The following MAGI2 variants were observed in gnomAD, a reference collection of about 807,000 sequenced individuals.
MAGI2 encodes the protein membrane-associated guanylate kinase, WW and PDZ domain-containing protein 2.
MAGI2 carries 35 observed loss-of-function variants against 133.3 expected under a neutral mutation model. That is an observed-to-expected ratio of 0.26 (90% CI 0.20 to 0.35). MAGI2 has a LOEUF of 0.35. Ranked by LOEUF, MAGI2 falls within the 10% of genes least tolerant of loss-of-function variation. MAGI2 has a pLI of 1.00. For synonymous variants in MAGI2, 729 were observed against 710.6 expected, an observed-to-expected ratio of 1.03 and a Z score of -0.41; for missense variants, 1,636 against 1,863.4, an observed-to-expected ratio of 0.88 and a Z score of 2.25.
At chr7:78,479,466 G>A (rs889085008) in intron 6 of MAGI2, among the ~76,000 whole-genome samples, 1 of 151,894 alleles carries the variant, frequency 6.6e-6, no homozygotes, top group Non-Finnish European at 1.5e-5. Flanking sequence ...AGGTGACCTA[G>A]GGAAGTGCTT....
At chr7:78,465,359 G>A (rs552397358) in intron 6 of MAGI2, among the ~76,000 whole-genome samples, 7 of 152,250 alleles carry the variant, frequency 4.6e-5, no homozygotes, top group Non-Finnish European at 4.4e-5. Context: ...TCTAGATAGA[G>A]GACTTTTGGC....
At chr7:78,579,789 C>G (rs1260344769) in intron 3 of MAGI2, among the ~76,000 whole-genome samples, 1 of 152,070 alleles carries the variant, frequency 6.6e-6, no homozygotes, top group Non-Finnish European at 1.5e-5. Flanking sequence ...TTCTGCTTTT[C>G]TCTTGTTAAT....
chr7:78,419,868 T>C (rs944918681), intron 6 of MAGI2, among the ~76,000 whole-genome samples: 7 of 152,190 alleles, frequency 4.6e-5, no homozygotes, highest in African/African-American at 1.4e-4. Context: ...GAGAGTAGCA[T>C]TGAAGAACCA....
intron 20 of MAGI2, among the ~76,000 whole-genome samples, chr7:78,089,320 G>T (rs942166661): frequency 2.6e-5 from 4 of 152,292 alleles, no homozygotes. Flanking sequence ...GGGTGATACA[G>T]ACATAGCCAT....
At chr7:79,300,400 C>T (rs1837302634) in intron 1 of MAGI2, among the ~76,000 whole-genome samples, 1 of 152,134 alleles carries the variant, frequency 6.6e-6, no homozygotes, top group African/African-American at 2.4e-5. Flanking sequence ...AGCTTGGCTG[C>T]ATTTTGTTCA....
In MAGI2 at chr7:78,019,462, A is replaced by G. The variant is rs902720988; in HGVS notation, c.4221T>C (p.Gly1407=). The G allele has an allele frequency of 4.1e-6, 4 of 979,890 alleles. No homozygotes were observed. The highest frequency in any genetic ancestry group is 3.6e-6 in the Non-Finnish European group (3 of 828,520). The allele number at this position is 979,890 out of a possible 1,614,324, so 60.7% of individuals were successfully genotyped here. A position where few individuals can be genotyped will look rare whatever the true frequency, so the allele number is the denominator to read the frequency against. The change falls in exon 22 of 22, where the codon GGT becomes GGC. Residue 1407 remains glycine (G), a synonymous_variant. Transcript: ENST00000354212. ...GGCCCGGCCGGGGACCCGCGCGCGC[A>G]CCCGCCCTGCCCTCGGCCTCCAGCG... ...SGALEAEGRA[G]ARAGPRPGPR... is the part of the protein sequence containing the mutation.
At chr7:78,346,090 T>G in intron 7 of MAGI2, 47 bp from the exon 8 acceptor site, 1 of 1,608,678 alleles carries the variant, frequency 6.2e-7, no homozygotes, top group Admixed American at 1.7e-5. Flanking sequence ...GCAAAGTTAT[T>G]TAAAAGACCA....
At chr7:78,174,452 G>C (rs1209430455) in intron 14 of MAGI2, among the ~76,000 whole-genome samples, 1 of 152,226 alleles carries the variant, frequency 6.6e-6, no homozygotes, top group African/African-American at 2.4e-5. Flanking sequence ...TCCCACAGAA[G>C]TGATACAAAA....
chr7:79,187,835 A>C (rs540708868), intron 1 of MAGI2, among the ~76,000 whole-genome samples: 1 of 151,816 alleles, frequency 6.6e-6, no homozygotes, highest in Non-Finnish European at 1.5e-5. Flanking sequence ...TGGGATTGCC[A>C]CTCCAATGGA....
At chr7:78,986,020 C>G (rs1394037577) in intron 2 of MAGI2, among the ~76,000 whole-genome samples, 1 of 152,052 alleles carries the variant, frequency 6.6e-6, no homozygotes, top group Non-Finnish European at 1.5e-5. Flanking sequence ...TATTTTGTCA[C>G]ATACTATCAG....
chr7:78,819,003 A>G (rs1789849395), intron 2 of MAGI2, among the ~76,000 whole-genome samples: 1 of 152,134 alleles, frequency 6.6e-6, no homozygotes, highest in Non-Finnish European at 1.5e-5. Flanking sequence ...CAAATGAGAT[A>G]TGGTTATTCA....
chr7:79,011,884 T>TCTTCCTTC (rs779042721), intron 1 of MAGI2, among the ~76,000 whole-genome samples: 5,808 of 102,874 alleles, frequency 0.056, 250 homozygotes, highest in Non-Finnish European at 0.061. Context: ...TTCCTTCCTT[T>TCTTCCTTC]CTTCCTTCCT....
intron 6 of MAGI2, among the ~76,000 whole-genome samples, chr7:78,428,378 T>C (rs73370237): frequency 0.15 from 22,673 of 152,236 alleles, 1,753 homozygotes; most frequent in Non-Finnish European, 0.16. Context: ...AATGTTTATC[T>C]TGAAAATAAG....
chr7:78,512,938 T>C (rs1421476763), intron 4 of MAGI2, among the ~76,000 whole-genome samples: 1 of 152,090 alleles, frequency 6.6e-6, no homozygotes, highest in African/African-American at 2.4e-5. Context: ...GTAGAGGAAA[T>C]TATTTTAGAT....
chr7:78,344,007 C>G (rs1187597099), intron 8 of MAGI2, 47 bp from the exon 9 acceptor site: 1 of 1,563,078 alleles, frequency 6.4e-7, no homozygotes, highest in African/African-American at 1.4e-5. Flanking sequence ...ATGTTCAAGT[C>G]AAGTTCTCAG....
intron 1 of MAGI2, among the ~76,000 whole-genome samples, chr7:79,428,036 C>G (rs1425598668): frequency 2.0e-5 from 3 of 152,020 alleles, no homozygotes; most frequent in Admixed American, 1.3e-4. Context: ...GTGTATTGAA[C>G]TAGAAAACTA....
At chr7:79,239,525 G>A (rs912942941) in intron 1 of MAGI2, among the ~76,000 whole-genome samples, 1 of 152,166 alleles carries the variant, frequency 6.6e-6, no homozygotes, top group African/African-American at 2.4e-5. Context: ...AAGATATGAT[G>A]TAACAAATGA....
chr7:78,294,083 A>AAT (rs201927117), intron 9 of MAGI2, among the ~76,000 whole-genome samples: 19 of 151,992 alleles, frequency 1.3e-4, no homozygotes, highest in South Asian at 2.1e-4. Flanking sequence ...ATAATAAAAA[A>AAT]ATATATATAA....
chr7:78,792,755 T>C (rs1317692623), intron 2 of MAGI2, among the ~76,000 whole-genome samples: 2 of 152,100 alleles, frequency 1.3e-5, no homozygotes, highest in African/African-American at 4.8e-5. Context: ...ATTCATATAG[T>C]GAAAGAGCAA....
Sources: gnomAD v4.1 joint callset for allele counts (sites outside exome capture counted in the v4.1 genomes callset) on GRCh38, gnomAD v4.1.1 for gene constraint, MANE v1.5 for transcripts, NCBI Gene and HGNC (gene_info 2026-07-23, HGNC 2026-07-21) for gene names.